Variants in KLHL40 observed in about 807,000 individuals in gnomAD.
KLHL40 encodes the protein kelch-like protein 40.
A neutral mutation model predicts 49.7 loss-of-function variants in KLHL40; 44 were observed. The observed-to-expected ratio is 0.89, with a 90% CI of 0.70 to 1.14. KLHL40 has a LOEUF of 1.14. Ranked by LOEUF, KLHL40 falls within the 50% of genes most tolerant of loss-of-function variation. KLHL40 has a pLI of 0.00. For synonymous variants in KLHL40, 409 were observed against 365.2 expected, an observed-to-expected ratio of 1.12 and a Z score of -1.37; for missense variants, 892 against 850.3, an observed-to-expected ratio of 1.05 and a Z score of -0.61.
intron 4 of KLHL40, among the ~76,000 whole-genome samples, chr3:42,689,960 T>TG (rs1697335182): frequency 6.6e-6 from 1 of 151,974 alleles, no homozygotes; most frequent in Non-Finnish European, 1.5e-5. Context: ...GCTTAGCTAT[T>TG]GATTGGATGT....
In KLHL40 at chr3:42,685,872, T is replaced by C; in HGVS notation, c.254T>C (p.Val85Ala). ...EEVSPDVVAQ[V>A]LHYLYTSEIA... ...GTGTCCCCGGACGTGGTGGCCCAGG[T>C]GCTGCACTACCTGTACACATCAGAG... The change falls in exon 1 of 6, where the codon GTG becomes GCG. Residue 85 changes from valine (V) to alanine (A), a missense_variant. Physicochemically the swap from Val to Ala is moderately conservative, Grantham distance 64. Coordinates refer to ENST00000287777, the MANE Select transcript of KLHL40 (RefSeq NM_152393.4). 6.2e-7 allele frequency: 1 copy of C among 1,612,802 alleles called. No homozygotes were observed. Among genetic ancestry groups the C allele is most frequent in the Non-Finnish European group, 8.5e-7 (1 of 1,179,974 alleles).
chr3:42,691,100 C>T lies in KLHL40; in HGVS notation c.1754+95C>T, dbSNP rs1207964040. Reference sequence around the variant, plus strand: ...GTACCAAGGCACTGGGCAAGCTCCTCTGGGGGCAAAGCGGATCCCTCTTCT... The same window carrying T: ...GTACCAAGGCACTGGGCAAGCTCCTTTGGGGGCAAAGCGGATCCCTCTTCT... On this transcript the variant is annotated intron_variant, in intron 5 of 5. Transcript: ENST00000287777. 3.1e-6 allele frequency: 4 copies of T among 1,306,168 alleles called. No homozygotes were observed. The African/African-American group carries it at 5.9e-5, about 19-fold the overall frequency. 80.9% of individuals were successfully genotyped at this position (1,306,168 alleles called of 1,614,324 possible). A position where few individuals can be genotyped will look rare whatever the true frequency, so the allele number is the denominator to read the frequency against.
Position 42,685,692 on chromosome 3 carries a change from A to G in KLHL40, c.74A>G (p.Asp25Gly). 1 of 1,613,182 alleles carries G rather than the reference A, an allele frequency of 6.2e-7. No homozygotes were observed. The highest frequency in any genetic ancestry group is 8.5e-7 in the Non-Finnish European group (1 of 1,179,802). The change falls in exon 1 of 6, where the codon GAC (aspartate) becomes GGC (glycine). Residue 25 changes from aspartate (D) to glycine (G), a missense_variant. Coordinates refer to ENST00000287777, the MANE Select transcript of KLHL40 (RefSeq NM_152393.4). The stretch of plus-strand genomic sequence containing the variant: ...ACGCTCCTGCAAGACGGGCTCAAAG[A>G]CATGCTGGACCATGGCAAGTTCCTC... ...QQTLLQDGLK[D>G]MLDHGKFLDC...
intron 4 of KLHL40, among the ~76,000 whole-genome samples, chr3:42,689,537 G>A (rs1697328293): frequency 6.6e-6 from 1 of 152,106 alleles, no homozygotes; most frequent in Non-Finnish European, 1.5e-5. Context: ...GGTGGAGGTG[G>A]GTGGGTGATG....
intron 5 of KLHL40, among the ~76,000 whole-genome samples, chr3:42,691,309 C>G (rs894764893): frequency 5.3e-5 from 8 of 152,136 alleles, no homozygotes; most frequent in Non-Finnish European, 1.0e-4. Flanking sequence ...AAATAGCAGC[C>G]GGATTTTCTT....
rs761479692 is a variant in KLHL40, at chr3:42,688,940, C to G, written c.1493C>G (p.Thr498Ser). Residue 498 changes from threonine to serine, a missense_variant, in exon 4 of 6, where the codon ACC (threonine) becomes AGC (serine). Transcript: ENST00000287777. The surrounding 1 kb of genome is among the most constrained non-coding windows in gnomAD (Gnocchi z 4.2). ...FEWKELAPMQ[T>S]ARSLFGATVH... ...TGGAAGGAGCTGGCACCCATGCAGA[C>G]CGCCCGCTCACTCTTTGGGGCCACT... 12 of 1,614,034 alleles carry G rather than the reference C, an allele frequency of 7.4e-6. No individual in the cohort carries two copies. The highest frequency in any genetic ancestry group is 9.3e-6 in the Non-Finnish European group (11 of 1,180,002).
chr3:42,690,786 G>A lies in KLHL40; in HGVS notation c.1608-73G>A, dbSNP rs529004941. The A allele has an allele frequency of 4.4e-4, 651 of 1,490,368 alleles. 1 individual carries two copies. The Middle Eastern group carries it at 6.8e-3, about 15-fold the overall frequency. The allele number at this position is 1,490,368 out of a possible 1,614,324, so 92.3% of individuals were successfully genotyped here. A position where few individuals can be genotyped will look rare whatever the true frequency, so the allele number is the denominator to read the frequency against. On this transcript the variant is annotated intron_variant, in intron 4 of 5. Transcript: ENST00000287777. ...GCAAAGGGTTGCAGTTGGAGCTGTG[G>A]GTGCTGGGTGGCAGGGACAGTCACT... is the stretch of plus-strand genomic sequence containing the variant.
rs150475700 is a variant in KLHL40, at chr3:42,688,282, G to A, written c.1293G>A (p.Ser431=). 185 of 1,613,924 alleles carry A rather than the reference G, an allele frequency of 1.1e-4. No homozygotes were observed. The African/African-American group carries it at 1.7e-3, about 15-fold the overall frequency. ...AGGACGGCGAGCGCTGCCTGGACTC[G>A]GTCATGTGCTACGACAGGCTGTGAG... The part of the protein sequence containing the change: ...EIKDGERCLD[S]VMCYDRLSFK... Residue 431 remains serine, a synonymous_variant, in exon 2 of 6, where the codon TCG becomes TCA. Transcript: ENST00000287777. The surrounding 1 kb of genome is among the most constrained non-coding windows in gnomAD (Gnocchi z 4.2).
rs375891897 is a variant in KLHL40, at chr3:42,688,630, C to T, written c.1334C>T (p.Ser445Leu). The change falls in exon 3 of 6, where the codon TCG becomes TTG. Residue 445 changes from serine to leucine, a missense_variant. Coordinates refer to ENST00000287777, the MANE Select transcript of KLHL40 (RefSeq NM_152393.4). This position sits in a 1 kb window ranked among gnomAD's most constrained non-coding sequence, Gnocchi z 4.2. Reference protein sequence around the residue: ...YDRLSFKWGESDPLPYVVYGH... With the variant: ...YDRLSFKWGELDPLPYVVYGH... ...TCCAGGTCATTCAAATGGGGTGAAT[C>T]GGACCCGCTGCCTTACGTGGTGTAT... The T allele has an allele frequency of 3.5e-5, 57 of 1,613,632 alleles. No individual in the cohort carries two copies. The highest frequency in any genetic ancestry group is 3.3e-4 in the Middle Eastern group (2 of 6,084).
At position 42,686,208 on chromosome 3, in the gene KLHL40, C is replaced by T. The variant is rs757677971; in HGVS notation, c.590C>T (p.Ala197Val). 1.1e-5 allele frequency: 17 copies of T among 1,565,384 alleles called. No homozygotes were observed. In the East Asian group the frequency reaches 3.7e-4, roughly 34 times the overall value. ...NVEKEEAVFE[A>V]VMRWAGSGDA... ...GAGAAGGAGGAGGCAGTGTTCGAGG[C>T]GGTGATGCGGTGGGCGGGTAGCGGC... Residue 197 changes from alanine to valine, a missense_variant, in exon 1 of 6, where the codon GCG becomes GTG. Physicochemically the swap from Ala to Val is moderately conservative, Grantham distance 64. Coordinates refer to ENST00000287777, the MANE Select transcript of KLHL40 (RefSeq NM_152393.4).
Position 42,689,044 on chromosome 3 carries a change from A to C in KLHL40, c.1597A>C (p.Thr533Pro). Residue 533 changes from threonine (T) to proline (P), a missense_variant, in exon 4 of 6, where the codon ACA (threonine) becomes CCA (proline). Coordinates refer to ENST00000287777, the MANE Select transcript of KLHL40 (RefSeq NM_152393.4). ...LTSSAEVYSITDNKWAPFEAF... is the reference protein window; with the variant it reads ...LTSSAEVYSIPDNKWAPFEAF... ...CAGTTCTGCCGAAGTGTACAGCATC[A>C]CAGACAACAAGTATGAAAGCTTGTC... is the stretch of plus-strand genomic sequence containing the variant. 6.2e-7 allele frequency: 1 copy of C among 1,611,452 alleles called. No individual in the cohort carries two copies. The highest frequency in any genetic ancestry group is 1.1e-5 in the South Asian group (1 of 90,924).
chr3:42,686,034 T>C lies in KLHL40; in HGVS notation c.416T>C (p.Leu139Pro), dbSNP rs1328688864. 8 of 1,608,734 alleles carry C rather than the reference T, an allele frequency of 5.0e-6. No homozygotes were observed. The highest frequency in any genetic ancestry group is 5.9e-6 in the Non-Finnish European group (7 of 1,179,946). The change falls in exon 1 of 6, where the codon CTC becomes CCC. Residue 139 changes from leucine (L) to proline (P), a missense_variant. Physicochemically the swap from Leu to Pro is moderately conservative, Grantham distance 98. Transcript: ENST00000287777. ...TCCAACTGCTTGGCCGTCTTCCGTC[T>C]CGGCCTCCTGCTCGACTGCGCGCGT... ...CLSNCLAVFR[L>P]GLLLDCARLA...
rs374925596 is a variant in KLHL40 at position 42,686,482 on chromosome 3, C to T, written c.864C>T (p.Ser288=). ...AGAKEADKGT[S]KAKAEEDEEA... Reference sequence around the variant, plus strand: ...CCAAGGAGGCTGATAAGGGCACAAGCAAAGCCAAAGCAGAGGAGGATGAGG... The same window carrying T: ...CCAAGGAGGCTGATAAGGGCACAAGTAAAGCCAAAGCAGAGGAGGATGAGG... The change falls in exon 1 of 6, where the codon AGC becomes AGT. Residue 288 remains serine (S), a synonymous_variant. Coordinates refer to ENST00000287777, the MANE Select transcript of KLHL40 (RefSeq NM_152393.4). The T allele has an allele frequency of 2.0e-5, 33 of 1,614,056 alleles. No individual in the cohort carries two copies. The East Asian group carries it at 2.9e-4, about 14-fold the overall frequency.
intron 5 of KLHL40, 89 bp downstream of exon 5, chr3:42,691,094 G>A: frequency 8.1e-6 from 11 of 1,361,214 alleles, no homozygotes; most frequent in Non-Finnish European, 1.1e-5. Flanking sequence ...CACTGGGCAA[G>A]CTCCTCTGGG....
rs759833258 is a variant in KLHL40, at chr3:42,686,672, G to C, written c.1054G>C (p.Val352Leu). 1.9e-6 allele frequency: 3 copies of C among 1,613,776 alleles called. No homozygotes were observed. The highest frequency in any genetic ancestry group is 1.3e-5 in the African/African-American group (1 of 74,946). Residue 352 changes from valine to leucine, a missense_variant, in exon 1 of 6, where the codon GTC becomes CTC. Physicochemically the swap from Val to Leu is conservative, Grantham distance 32 (BLOSUM62 1). Coordinates refer to ENST00000287777, the MANE Select transcript of KLHL40 (RefSeq NM_152393.4). ...SLSNQVPKNH[V>L]SLVTKENQVF... ...CTCCAACCAGGTCCCCAAGAACCAC[G>C]TCAGCCTGGTTACCAAGGAGAACCA...
Position 42,685,964 on chromosome 3 carries a change from A to C in KLHL40, c.346A>C (p.Ile116Leu). 6.2e-7 allele frequency: 1 copy of C among 1,611,810 alleles called. No homozygotes were observed. The highest frequency in any genetic ancestry group is 8.5e-7 in the Non-Finnish European group (1 of 1,179,964). ...GGCACACCGCTTCCAGATCCCTTCCATCTTCACCATCTGCGTGTCCTTCCT... is the reference window on the plus strand; with the variant it reads ...GGCACACCGCTTCCAGATCCCTTCCCTCTTCACCATCTGCGTGTCCTTCCT... ...AAAHRFQIPS[I>L]FTICVSFLQK... The change falls in exon 1 of 6, where the codon ATC becomes CTC. Residue 116 changes from isoleucine (I) to leucine (L), a missense_variant. By Grantham distance (5) the Ile-to-Leu change is conservative (BLOSUM62 2). Transcript: ENST00000287777.
chr3:42,688,592 C>T lies in KLHL40; in HGVS notation c.1314-18C>T. 1.9e-6 allele frequency: 3 copies of T among 1,596,346 alleles called. No homozygotes were observed. Among genetic ancestry groups the T allele is most frequent in the Non-Finnish European group, 2.6e-6 (3 of 1,164,780 alleles). On this transcript the variant is annotated intron_variant, in intron 2 of 5. Coordinates refer to ENST00000287777, the MANE Select transcript of KLHL40 (RefSeq NM_152393.4). The surrounding 1 kb of genome is among the most constrained non-coding windows in gnomAD (Gnocchi z 4.2). ...CTGGATGGGTGCCCTCCCCCACCCC[C>T]ACTCCCGTCTCCTCCAGGTCATTCA...
chr3:42,685,848 T>C lies in KLHL40; in HGVS notation c.230T>C (p.Val77Ala). ...GCGGGCGAGCTGCACCTGGAGGAGG[T>C]GTCCCCGGACGTGGTGGCCCAGGTG... ...ERAGELHLEE[V>A]SPDVVAQVLH... is the part of the protein sequence containing the mutation. The change falls in exon 1 of 6, where the codon GTG becomes GCG. Residue 77 changes from valine to alanine, a missense_variant. Transcript: ENST00000287777. 2 of 1,613,260 alleles carry C rather than the reference T, an allele frequency of 1.2e-6. No homozygotes were observed. Among genetic ancestry groups the C allele is most frequent in the Non-Finnish European group, 8.5e-7 (1 of 1,179,940 alleles).
In KLHL40 at chr3:42,688,984, A is replaced by T. The variant is rs1429307760; in HGVS notation, c.1537A>T (p.Ile513Phe). ...GGCCACTGTCCATGATGGCCGCATTATCGTGGCAGCTGGGGTCACCGACAC... is the reference window on the plus strand; with the variant it reads ...GGCCACTGTCCATGATGGCCGCATTTTCGTGGCAGCTGGGGTCACCGACAC... ...FGATVHDGRI[I>F]VAAGVTDTGL... is the part of the protein sequence containing the mutation. The change falls in exon 4 of 6, where the codon ATC (isoleucine) becomes TTC (phenylalanine). Residue 513 changes from isoleucine to phenylalanine, a missense_variant. Ile to Phe is a conservative substitution (Grantham distance 21). Coordinates refer to ENST00000287777, the MANE Select transcript of KLHL40 (RefSeq NM_152393.4). The surrounding 1 kb of genome is among the most constrained non-coding windows in gnomAD (Gnocchi z 4.2). 1 of 1,614,190 alleles carries T rather than the reference A, an allele frequency of 6.2e-7. No individual in the cohort carries two copies. The highest frequency in any genetic ancestry group is 2.2e-5 in the East Asian group (1 of 44,886).
Sources: gnomAD v4.1 joint callset for allele counts (sites outside exome capture counted in the v4.1 genomes callset) on GRCh38, gnomAD v4.1.1 for gene constraint, Gnocchi (gnomAD v3.1) non-coding constraint, MANE v1.5 for transcripts, NCBI Gene and HGNC (gene_info 2026-07-23, HGNC 2026-07-21) for gene names.